Variants in FRMD4B observed in about 807,000 individuals in gnomAD.
FRMD4B encodes FERM domain-containing protein 4B.
Under a neutral mutation model 141.5 loss-of-function variants are expected in FRMD4B, and 74 were observed. The ratio of observed to expected loss-of-function variants is 0.52; its 90% CI spans 0.43 to 0.63. The LOEUF is 0.63. Among genes scored for constraint, FRMD4B ranks in the 30% least tolerant of loss-of-function variants. The probability of loss-of-function intolerance (pLI) is 0.00; values close to 1 mark genes in which losing one functional copy is unlikely to be tolerated. For synonymous variants in FRMD4B, 506 were observed against 467.9 expected, an observed-to-expected ratio of 1.08 and a Z score of -1.05; for missense variants, 1,366 against 1,253.4, an observed-to-expected ratio of 1.09 and a Z score of -1.36.
At chr3:69,227,831 G>C (rs2093269154) in intron 7 of FRMD4B, among the ~76,000 whole-genome samples, 1 of 151,860 alleles carries the variant, frequency 6.6e-6, no homozygotes, top group African/African-American at 2.4e-5. Context: ...AACACAAAGA[G>C]TGAACCCTAA....
intron 1 of FRMD4B, among the ~76,000 whole-genome samples, chr3:69,341,834 A>G (rs1379206101): frequency 6.6e-6 from 1 of 152,220 alleles, no homozygotes; most frequent in Non-Finnish European, 1.5e-5. Context: ...GATGGCCCTT[A>G]CCAAATTGAG....
intron 4 of FRMD4B, among the ~76,000 whole-genome samples, chr3:69,295,913 T>C (rs1284063441): frequency 6.6e-6 from 1 of 151,826 alleles, no homozygotes; most frequent in African/African-American, 2.4e-5. Flanking sequence ...GCCTCCCAGA[T>C]TCAAGTGATT....
At chr3:69,243,359 T>C (rs2106726074) in intron 7 of FRMD4B, among the ~76,000 whole-genome samples, 1 of 152,270 alleles carries the variant, frequency 6.6e-6, no homozygotes, top group East Asian at 1.9e-4. Flanking sequence ...AACAAAGCCA[T>C]GAAGGCAGAT....
At chr3:69,370,965 T>C (rs1163365263) in intron 1 of FRMD4B, among the ~76,000 whole-genome samples, 1 of 152,236 alleles carries the variant, frequency 6.6e-6, no homozygotes, top group African/African-American at 2.4e-5. Flanking sequence ...CTGAGGATTC[T>C]AACAGTGAAG....
chr3:69,370,317 G>A (rs1703790085), intron 1 of FRMD4B, among the ~76,000 whole-genome samples: 1 of 152,144 alleles, frequency 6.6e-6, no homozygotes, highest in African/African-American at 2.4e-5. Flanking sequence ...CAACCACAGG[G>A]CCGGGTGCAG....
intron 2 of FRMD4B, among the ~76,000 whole-genome samples, chr3:69,398,101 G>A (rs1246247216): frequency 1.3e-5 from 2 of 152,088 alleles, no homozygotes; most frequent in Non-Finnish European, 2.9e-5. Flanking sequence ...TTATAAAACT[G>A]AGTGCATGCA....
intron 1 of FRMD4B, among the ~76,000 whole-genome samples, chr3:69,518,842 T>C (rs1306810328): frequency 6.6e-6 from 1 of 152,176 alleles, no homozygotes; most frequent in Non-Finnish European, 1.5e-5. Context: ...GGGCAATTCC[T>C]GATAAGGTTC....
chr3:69,536,336 T>C lies in FRMD4B; in HGVS notation c.-129+5870A>G, dbSNP rs995602646. On this transcript the variant is annotated intron_variant, in intron 1 of 5. Coordinates refer to the FRMD4B transcript ENST00000459638. The stretch of plus-strand genomic sequence containing the variant: ...TTGGGATCTAATTTGAAGCTGCCAG[T>C]GGCCCCCCTTGCTTCGGAGTTGAGG... 3 of 662,778 alleles carry C rather than the reference T, an allele frequency of 4.5e-6. No homozygotes were observed. The African/African-American group carries it at 5.4e-5, about 12-fold the overall frequency. The allele number at this position is 662,778 out of a possible 1,614,324, so 41.1% of individuals were successfully genotyped here.
chr3:69,272,075 T>C (rs1468323625), intron 5 of FRMD4B, among the ~76,000 whole-genome samples: 1 of 152,218 alleles, frequency 6.6e-6, no homozygotes, highest in African/African-American at 2.4e-5. Flanking sequence ...TTTAGTTTAG[T>C]GACTACTTGA....
At chr3:69,406,911 A>ATTTTTTT (rs67956877) in intron 2 of FRMD4B, among the ~76,000 whole-genome samples, 3 of 135,164 alleles carry the variant, frequency 2.2e-5, no homozygotes, top group Non-Finnish European at 3.1e-5. Context: ...TTTAATTTTA[A>ATTTTTTT]TTTTTTTTTT....
chr3:69,239,136 G>C (rs2093364753), intron 7 of FRMD4B, among the ~76,000 whole-genome samples: 1 of 152,306 alleles, frequency 6.6e-6, no homozygotes, highest in African/African-American at 2.4e-5. Context: ...GGCTTGGTTT[G>C]ACAGAGTCTA....
intron 1 of FRMD4B, chr3:69,471,305 A>C: frequency 6.1e-6 from 1 of 162,722 alleles, no homozygotes; most frequent in Non-Finnish European, 1.4e-5. Flanking sequence ...CTTCCACTAT[A>C]ACATGAGGAT....
At chr3:69,208,827 T>C (rs1317570080) in intron 11 of FRMD4B, among the ~76,000 whole-genome samples, 1 of 152,174 alleles carries the variant, frequency 6.6e-6, no homozygotes, top group Non-Finnish European at 1.5e-5. Flanking sequence ...CTAGGATCTA[T>C]TTTTCCTTAT....
rs1344792799 is a variant in FRMD4B, at chr3:69,171,822, G to A, written c.*39C>T. On this transcript the variant is annotated 3_prime_UTR_variant, in exon 23 of 23. Coordinates refer to ENST00000398540, the MANE Select transcript of FRMD4B (RefSeq NM_015123.3). The stretch of plus-strand genomic sequence containing the variant: ...AATACAATTTGCAAGGCACACTAGT[G>A]TGAGAACGCAGTGCTTGGTCAGGAG... The A allele has an allele frequency of 1.2e-6, 2 of 1,602,534 alleles. No individual in the cohort carries two copies. The highest frequency in any genetic ancestry group is 1.3e-5 in the African/African-American group (1 of 74,802).
intron 1 of FRMD4B, among the ~76,000 whole-genome samples, chr3:69,449,220 C>T (rs1327210789): frequency 6.6e-6 from 1 of 152,164 alleles, no homozygotes; most frequent in Non-Finnish European, 1.5e-5. Flanking sequence ...CTCCATACTG[C>T]ACAACCACTA....
At chr3:69,190,014 G>T in intron 17 of FRMD4B, 62 bp from the exon 18 acceptor site, 1 of 898,312 alleles carries the variant, frequency 1.1e-6, no homozygotes, top group Non-Finnish European at 1.8e-6. Flanking sequence ...AGGGGTCTTA[G>T]ATAAACAATT....
At chr3:69,351,763 G>A (rs1214763329) in intron 1 of FRMD4B, among the ~76,000 whole-genome samples, 5 of 152,158 alleles carry the variant, frequency 3.3e-5, no homozygotes, top group Admixed American at 6.5e-5. Context: ...GCCCCTAACG[G>A]GATAGGAAGT....
At chr3:69,295,089 C>T (rs947472842) in intron 4 of FRMD4B, among the ~76,000 whole-genome samples, 4 of 152,174 alleles carry the variant, frequency 2.6e-5, no homozygotes, top group African/African-American at 9.7e-5. Context: ...ATAGGGTCTA[C>T]ATTAGCTGTT....
intron 1 of FRMD4B, among the ~76,000 whole-genome samples, chr3:69,367,829 G>T (rs2107482671): frequency 6.6e-6 from 1 of 152,314 alleles, no homozygotes; most frequent in South Asian, 2.1e-4. Context: ...AAATGGAAAT[G>T]CTTGGTCATA....
Sources: gnomAD v4.1 joint callset for allele counts (sites outside exome capture counted in the v4.1 genomes callset) on GRCh38, gnomAD v4.1.1 for gene constraint, MANE v1.5 for transcripts, NCBI Gene and HGNC (gene_info 2026-07-23, HGNC 2026-07-21) for gene names.